CHIC2: variants seen among roughly 807,000 people sequenced by gnomAD.
CHIC2 encodes cysteine rich hydrophobic domain 2.
Under a neutral mutation model 25.9 loss-of-function variants are expected in CHIC2, and 14 were observed. The ratio of observed to expected loss-of-function variants is 0.54; its 90% CI spans 0.36 to 0.85. The LOEUF is 0.85. CHIC2 is among the 40% of genes least tolerant of loss of function. The pLI is 0.01. For missense variants in CHIC2, 146 were observed against 202.0 expected (o/e 0.72, Z 1.68); for synonymous variants, 70 against 72.0 (o/e 0.97, Z 0.14).
intron 5 of CHIC2, among the ~76,000 whole-genome samples, chr4:54,011,229 T>TTCTCC (rs1715574822): frequency 6.6e-6 from 1 of 152,090 alleles, no homozygotes; most frequent in Non-Finnish European, 1.5e-5. Context: ...CACTCTTCAG[T>TTCTCC]TCTCCTGGCT....
the CHIC2 span, among the ~76,000 whole-genome samples, chr4:54,074,820 A>G: frequency 6.6e-6 from 1 of 152,190 alleles, no homozygotes; most frequent in East Asian, 1.9e-4. Context: ...GTTTTTAAAA[A>G]TTCTCAGCTG....
At chr4:54,054,369 G>C (rs1388210064) in intron 1 of CHIC2, among the ~76,000 whole-genome samples, 1 of 152,102 alleles carries the variant, frequency 6.6e-6, no homozygotes, top group Non-Finnish European at 1.5e-5. Flanking sequence ...ATTAAGACAT[G>C]TTTTGAACTC....
intron 3 of CHIC2, among the ~76,000 whole-genome samples, chr4:54,020,075 T>C (rs187742851): frequency 4.6e-5 from 7 of 152,306 alleles, no homozygotes; most frequent in Non-Finnish European, 1.0e-4. Context: ...GAATCAGTGC[T>C]TACTGTCAGG....
chr4:54,053,529 C>T (rs1055468327), intron 1 of CHIC2, among the ~76,000 whole-genome samples: 7 of 142,338 alleles, frequency 4.9e-5, no homozygotes, highest in South Asian at 2.2e-4. Flanking sequence ...CACTCCAGCC[C>T]GGGCTGACAA....
chr4:54,028,361 A>C (rs1716123481), intron 3 of CHIC2, among the ~76,000 whole-genome samples: 2 of 152,194 alleles, frequency 1.3e-5, no homozygotes, highest in African/African-American at 2.4e-5. Context: ...AAAAGCATGA[A>C]ATTTTGAGCT....
intron 3 of CHIC2, among the ~76,000 whole-genome samples, chr4:54,032,280 CCTCCCT>C (rs1162130295): frequency 9.8e-5 from 14 of 143,366 alleles, no homozygotes; most frequent in Admixed American, 2.8e-4. Context: ...TCCCCCTCCC[CCTCCCT>C]CTCCCTCTAC....
chr4:54,084,973 A>AAAAAAAAAAAAAAC, the CHIC2 span, among the ~76,000 whole-genome samples: 1 of 150,952 alleles, frequency 6.6e-6, no homozygotes, highest in African/African-American at 2.4e-5. Context: ...AAAAAAAAAA[A>AAAAAAAAAAAAAAC]AAAAAAAATC....
chr4:54,078,169 T>C, the CHIC2 span, among the ~76,000 whole-genome samples: 1 of 152,206 alleles, frequency 6.6e-6, no homozygotes, highest in Non-Finnish European at 1.5e-5. Context: ...TTACAAACTT[T>C]AGGTAGCTCA....
At chr4:54,054,472 TTTC>T (rs1376517573) in intron 1 of CHIC2, among the ~76,000 whole-genome samples, 1 of 152,252 alleles carries the variant, frequency 6.6e-6, no homozygotes, top group Non-Finnish European at 1.5e-5. Context: ...CAATGTTTCT[TTTC>T]TTCTGAGTTA....
At chr4:54,091,850 C>G in the CHIC2 span, among the ~76,000 whole-genome samples, 1 of 152,156 alleles carries the variant, frequency 6.6e-6, no homozygotes, top group Non-Finnish European at 1.5e-5. Flanking sequence ...CGCCTTCGCT[C>G]TTTACACGAG....
chr4:54,073,540 A>G, the CHIC2 span, among the ~76,000 whole-genome samples: 3 of 152,218 alleles, frequency 2.0e-5, no homozygotes, highest in East Asian at 5.8e-4. Flanking sequence ...ACAGGAACTG[A>G]GGCTTTCTGC....
chr4:54,059,106 G>A (rs995809307), intron 1 of CHIC2, among the ~76,000 whole-genome samples: 10 of 152,244 alleles, frequency 6.6e-5, no homozygotes, highest in South Asian at 2.1e-4. Context: ...TGTGCATTAA[G>A]AAGTTTTAGT....
At chr4:54,048,877 C>T (rs1716912425) in intron 3 of CHIC2, 78 bp downstream of exon 3, 1 of 1,229,808 alleles carries the variant, frequency 8.1e-7, no homozygotes, top group Non-Finnish European at 1.1e-6. Context: ...TCATTCAATA[C>T]AAAAAATAAA....
Position 54,010,076 on chromosome 4 carries a change from T to G in CHIC2, c.*19A>C. The G allele has an allele frequency of 6.4e-7, 1 of 1,565,454 alleles. No individual in the cohort carries two copies. The highest frequency in any genetic ancestry group is 8.8e-7 in the Non-Finnish European group (1 of 1,138,258). On this transcript the variant is annotated 3_prime_UTR_variant, in exon 6 of 6. Coordinates refer to ENST00000263921, the MANE Select transcript of CHIC2 (RefSeq NM_012110.4). Reference sequence around the variant, plus strand: ...GGAAAGACAACATACTTGGAAAGTCTCTATAAATAAAGTAAATGCTAATCT... The same window carrying G: ...GGAAAGACAACATACTTGGAAAGTCGCTATAAATAAAGTAAATGCTAATCT...
intron 1 of CHIC2, among the ~76,000 whole-genome samples, chr4:54,050,303 G>A (rs1316964898): frequency 6.6e-6 from 1 of 152,036 alleles, no homozygotes; most frequent in African/African-American, 2.4e-5. Context: ...AATCTAAATG[G>A]AATCTTGAAA....
chr4:54,042,714 G>C (rs1369651635), intron 3 of CHIC2, among the ~76,000 whole-genome samples: 1 of 151,726 alleles, frequency 6.6e-6, no homozygotes, highest in Non-Finnish European at 1.5e-5. Context: ...TGGATCCAGA[G>C]ACGAAAAAAT....
chr4:54,073,809 A>T, the CHIC2 span, among the ~76,000 whole-genome samples: 20 of 152,334 alleles, frequency 1.3e-4, no homozygotes, highest in African/African-American at 4.8e-4. Context: ...CCTGGATATC[A>T]TAAGAAACAG....
chr4:54,013,588 G>T (rs1334172796), intron 5 of CHIC2, among the ~76,000 whole-genome samples: 2 of 152,034 alleles, frequency 1.3e-5, no homozygotes, highest in African/African-American at 4.8e-5. Flanking sequence ...ACATGTTCAG[G>T]CTATTTTATC....
At chr4:54,034,079 C>G (rs1716310977) in intron 3 of CHIC2, among the ~76,000 whole-genome samples, 1 of 151,744 alleles carries the variant, frequency 6.6e-6, no homozygotes, top group Admixed American at 6.6e-5. Flanking sequence ...TGCACTAAAT[C>G]TATGGATCAG....
Sources: allele counts gnomAD v4.1 joint callset (sites outside exome capture counted in the v4.1 genomes callset), GRCh38; gene constraint gnomAD v4.1.1; transcripts MANE v1.5; gene names NCBI Gene and HGNC (gene_info 2026-07-23, HGNC 2026-07-21).